PDE4D: variants seen among roughly 807,000 people sequenced by gnomAD.
The protein encoded by PDE4D is 3',5'-cyclic-AMP phosphodiesterase 4D.
PDE4D carries 24 observed loss-of-function variants against 87.4 expected under a neutral mutation model. The observed-to-expected ratio is 0.27, with a 90% CI of 0.20 to 0.39. The LOEUF is 0.39. Ranked by LOEUF, PDE4D falls within the 10% of genes least tolerant of loss-of-function variation. PDE4D has a pLI of 1.00. For synonymous variants in PDE4D, 384 were observed against 383.2 expected (o/e 1.00, Z -0.02); for missense variants, 714 against 1,041.0 (o/e 0.69, Z 4.32).
intron 2 of PDE4D, among the ~76,000 whole-genome samples, chr5:59,208,109 G>A (rs2153501335): frequency 6.6e-6 from 1 of 152,282 alleles, no homozygotes; most frequent in South Asian, 2.1e-4. Flanking sequence ...GGAGGATGCA[G>A]TGAGCTGAGA....
intron 5 of PDE4D, among the ~76,000 whole-genome samples, chr5:59,128,270 C>CTT (rs113507877): frequency 6.6e-6 from 1 of 151,600 alleles, no homozygotes; most frequent in South Asian, 2.1e-4. Flanking sequence ...ACCTCCTCTC[C>CTT]TTTTTTTAAT....
chr5:60,140,830 C>T (rs1030150243), intron 2 of PDE4D, among the ~76,000 whole-genome samples: 7 of 152,062 alleles, frequency 4.6e-5, no homozygotes, highest in African/African-American at 1.4e-4. Context: ...GGCTGAATTT[C>T]GAGAATAGTT....
intron 1 of PDE4D, among the ~76,000 whole-genome samples, chr5:59,477,354 A>T (rs1361631661): frequency 8.9e-5 from 6 of 67,336 alleles, no homozygotes; most frequent in Non-Finnish European, 1.7e-4. Flanking sequence ...AGAGTATAAT[A>T]AAAAAAAAAA....
chr5:59,814,634 T>C (rs546067172), intron 1 of PDE4D, among the ~76,000 whole-genome samples: 77 of 152,280 alleles, frequency 5.1e-4, no homozygotes, highest in Middle Eastern at 3.4e-3. Context: ...CTGCTTCCAG[T>C]TGACAGTTCA....
chr5:60,113,008 A>G (rs557019465), intron 2 of PDE4D, among the ~76,000 whole-genome samples: 17 of 152,228 alleles, frequency 1.1e-4, no homozygotes, highest in South Asian at 2.1e-4. Flanking sequence ...ACGTACGTCA[A>G]CTTCATTTGA....
chr5:59,316,458 G>A lies in PDE4D; in HGVS notation c.456-100490C>T, dbSNP rs115008908. Among the ~76,000 whole-genome samples, 301 of 151,910 alleles carry A rather than the reference G, an allele frequency of 2.0e-3. 2 individuals are homozygous for A. The highest frequency in any genetic ancestry group is 6.9e-3 in the African/African-American group (285 of 41,432). On this transcript the variant is annotated intron_variant, in intron 1 of 14. Transcript: ENST00000340635. ...TTGCTATATACTGGGGTTGAGATGG[G>A]GAAAATGAAATAAATGTATAAAGGA...
chr5:59,353,451 T>C (rs1375150122), intron 1 of PDE4D, among the ~76,000 whole-genome samples: 1 of 152,032 alleles, frequency 6.6e-6, no homozygotes, highest in Non-Finnish European at 1.5e-5. Flanking sequence ...CTTTCTTCTC[T>C]ATAATACTTG....
intron 2 of PDE4D, chr5:60,160,953 G>C (rs1782423924): frequency 3.3e-6 from 1 of 302,466 alleles, no homozygotes; most frequent in Non-Finnish European, 6.5e-6. Flanking sequence ...CTTCAAAACA[G>C]AGACCAGGTA....
chr5:59,219,844 A>G (rs999394040), intron 1 of PDE4D, among the ~76,000 whole-genome samples: 2 of 152,186 alleles, frequency 1.3e-5, no homozygotes, highest in African/African-American at 4.8e-5. Flanking sequence ...GAGAGTTAAA[A>G]AATGTCCAGC....
chr5:60,095,355 C>T lies in PDE4D; in HGVS notation c.42+90202G>A, dbSNP rs889986792. Reference sequence around the variant, plus strand: ...TGAGAATGATGGTTTCTAGCTTCATCGATGTCCCTGAAAAGGACAAGAGCT... The same window carrying T: ...TGAGAATGATGGTTTCTAGCTTCATTGATGTCCCTGAAAAGGACAAGAGCT... On this transcript the variant is annotated intron_variant, in intron 2 of 16. Transcript: ENST00000502484. 8.5e-5 allele frequency among the ~76,000 whole-genome samples: 13 copies of T among 152,238 alleles called. No homozygotes were observed. The East Asian group carries it at 1.5e-3, about 18-fold the overall frequency.
intron 1 of PDE4D, among the ~76,000 whole-genome samples, chr5:60,439,960 G>A (rs1745070175): frequency 1.3e-5 from 2 of 150,724 alleles, no homozygotes. Context: ...GCATAACTTG[G>A]CCTGAAAGTT....
At chr5:60,115,798 T>A (rs1303743588) in intron 2 of PDE4D, among the ~76,000 whole-genome samples, 2 of 152,136 alleles carry the variant, frequency 1.3e-5, no homozygotes, top group Non-Finnish European at 2.9e-5. Flanking sequence ...ATCAATATAA[T>A]ATTCAGTGCT....
At chr5:60,305,577 G>C (rs933658458) in intron 1 of PDE4D, among the ~76,000 whole-genome samples, 12 of 151,624 alleles carry the variant, frequency 7.9e-5, no homozygotes, top group South Asian at 2.1e-4. Flanking sequence ...AGGAAAATGG[G>C]TGACATGGCT....
chr5:60,415,420 G>A (rs765640315), intron 1 of PDE4D, among the ~76,000 whole-genome samples: 3 of 152,378 alleles, frequency 2.0e-5, no homozygotes, highest in South Asian at 2.1e-4. Context: ...GGCCAAGGCC[G>A]GAGCCGGCGC....
At chr5:59,123,429 G>T (rs775865859) in intron 5 of PDE4D, among the ~76,000 whole-genome samples, 11 of 152,002 alleles carry the variant, frequency 7.2e-5, no homozygotes, top group Non-Finnish European at 1.3e-4. Context: ...GGTAATCTTT[G>T]TTTCCCTTTC....
chr5:58,997,532 C>T (rs770888157), intron 6 of PDE4D, among the ~76,000 whole-genome samples: 4 of 152,064 alleles, frequency 2.6e-5, no homozygotes, highest in Admixed American at 6.6e-5. Context: ...CTGTTTGAAA[C>T]GAACCGATTG....
At chr5:59,194,885 G>A (rs1289386989) in intron 2 of PDE4D, among the ~76,000 whole-genome samples, 3 of 152,210 alleles carry the variant, frequency 2.0e-5, no homozygotes, top group Non-Finnish European at 4.4e-5. Flanking sequence ...CATTGCAACA[G>A]TATTAAGAGG....
intron 1 of PDE4D, among the ~76,000 whole-genome samples, chr5:59,366,951 A>G (rs1783155843): frequency 6.6e-6 from 1 of 152,204 alleles, no homozygotes; most frequent in Admixed American, 6.5e-5. Flanking sequence ...CTCAACACAA[A>G]TGATTACTGA....
intron 1 of PDE4D, among the ~76,000 whole-genome samples, chr5:59,378,500 G>A (rs144496826): frequency 2.0e-5 from 3 of 152,204 alleles, no homozygotes; most frequent in African/African-American, 4.8e-5. Context: ...CCATCTCCTA[G>A]GTTCTAAGGA....
Sources: gnomAD v4.1 joint callset for allele counts (sites outside exome capture counted in the v4.1 genomes callset) on GRCh38, gnomAD v4.1.1 for gene constraint, MANE v1.5 for transcripts, NCBI Gene and HGNC (gene_info 2026-07-23, HGNC 2026-07-21) for gene names.